Variants in PTPN14 observed in about 807,000 individuals in gnomAD.
PTPN14 encodes the protein protein tyrosine phosphatase non-receptor type 14.
In PTPN14, 53 loss-of-function variants were observed where a neutral mutation model predicts 126.8. The observed-to-expected ratio is 0.42, with a 90% confidence interval of 0.34 to 0.53. PTPN14 has a LOEUF of 0.53. PTPN14 is among the 20% of genes least tolerant of loss of function. The pLI, the probability that PTPN14 is intolerant of heterozygous loss-of-function variation, is 0.08. For missense variants in PTPN14, 1,257 were observed against 1,552.9 expected (o/e 0.81, Z 3.20); for synonymous variants, 630 against 599.3 (o/e 1.05, Z -0.75).
intron 3 of PTPN14, among the ~76,000 whole-genome samples, chr1:214,431,018 T>C (rs866840525): frequency 1.1e-4 from 16 of 152,268 alleles, no homozygotes; most frequent in African/African-American, 3.9e-4. Context: ...AGGAGGCTTC[T>C]AAGGCAAGAA....
intron 1 of PTPN14, among the ~76,000 whole-genome samples, chr1:214,537,782 C>T (rs1345845250): frequency 6.6e-6 from 1 of 152,154 alleles, no homozygotes; most frequent in African/African-American, 2.4e-5. Flanking sequence ...GTTTGATAAC[C>T]ATCTATGACG....
chr1:214,405,420 T>C (rs905054074), intron 5 of PTPN14, among the ~76,000 whole-genome samples: 5 of 152,168 alleles, frequency 3.3e-5, no homozygotes, highest in African/African-American at 9.7e-5. Flanking sequence ...GGGCCTATCA[T>C]AGGGCTTTTG....
At chr1:214,422,522 C>T (rs761512993) in intron 3 of PTPN14, among the ~76,000 whole-genome samples, 5 of 152,122 alleles carry the variant, frequency 3.3e-5, no homozygotes, top group South Asian at 2.1e-4. Context: ...CCCTGAAAAT[C>T]GTGTGTTCAT....
In PTPN14 at chr1:214,393,796, G is replaced by A. The variant is rs761269636; in HGVS notation, c.847-19C>T. 2 of 1,536,640 alleles carry A rather than the reference G, an allele frequency of 1.3e-6. No individual in the cohort carries two copies. The highest frequency in any genetic ancestry group is 1.8e-6 in the Non-Finnish European group (2 of 1,111,020). On this transcript the variant is annotated intron_variant, in intron 9 of 18. Coordinates refer to ENST00000366956, the MANE Select transcript of PTPN14 (RefSeq NM_005401.5). The stretch of plus-strand genomic sequence containing the variant: ...TATCATCCTTGGAAAAGAAGAGACA[G>A]AGAAAAAAATAAACATTTGTTGAAT...
In PTPN14 at chr1:214,465,940, T is replaced by C. The variant is rs1278539709; in HGVS notation, c.-154-983A>G. On this transcript the variant is annotated intron_variant, in intron 1 of 18. Coordinates refer to ENST00000366956, the MANE Select transcript of PTPN14 (RefSeq NM_005401.5). ...TGGTGGCAATATGCATTTAATATAATCAGTTACTTCCTTTTTTTTTTTTTT... is the reference window on the plus strand; with the variant it reads ...TGGTGGCAATATGCATTTAATATAACCAGTTACTTCCTTTTTTTTTTTTTT... Among the ~76,000 whole-genome samples, 3 of 142,118 alleles carry C rather than the reference T, an allele frequency of 2.1e-5. No individual in the cohort carries two copies. In the East Asian group the frequency reaches 6.1e-4, roughly 29 times the overall value. The allele number at this position is 142,118 out of a possible 152,430, so 93.2% of individuals were successfully genotyped here. A position where few individuals can be genotyped will look rare whatever the true frequency, so the allele number is the denominator to read the frequency against.
At chr1:214,397,798 G>A (rs1658921170) in intron 8 of PTPN14, 115 bp downstream of exon 8, 2 of 809,326 alleles carry the variant, frequency 2.5e-6, no homozygotes, top group East Asian at 5.4e-5. Context: ...TGAGCTGAGA[G>A]AAGTCAAATC....
chr1:214,534,525 A>G (rs1655649755), intron 1 of PTPN14, among the ~76,000 whole-genome samples: 2 of 151,962 alleles, frequency 1.3e-5, no homozygotes, highest in South Asian at 4.1e-4. Context: ...CATCCTGGCT[A>G]ACACGGTGAA....
chr1:214,364,766 A>AGTGAGTGTGTGTGTGTGTGT lies in PTPN14; in HGVS notation c.3272-92_3272-91insACACACACACACACACTCAC. On this transcript the variant is annotated intron_variant, in intron 17 of 18. Coordinates refer to ENST00000366956, the MANE Select transcript of PTPN14 (RefSeq NM_005401.5). The surrounding 1 kb of genome is among the most constrained non-coding windows in gnomAD (Gnocchi z 4.1). The stretch of plus-strand genomic sequence containing the variant: ...GGGGAGCGGAAGAGAACTGATGGTG[A>AGTGAGTGTGTGTGTGTGTGT]GTGTGTGTGTGTGTGTGTGTGTGTG... 1 of 590,314 alleles carries AGTGAGTGTGTGTGTGTGTGT rather than the reference A, an allele frequency of 1.7e-6. No individual in the cohort carries two copies. The highest frequency in any genetic ancestry group is 2.8e-6 in the Non-Finnish European group (1 of 363,630). The allele number at this position is 590,314 out of a possible 1,614,324, so 36.6% of individuals were successfully genotyped here. A position where few individuals can be genotyped will look rare whatever the true frequency, so the allele number is the denominator to read the frequency against.
At chr1:214,504,384 C>A (rs1654781988) in intron 1 of PTPN14, among the ~76,000 whole-genome samples, 2 of 152,294 alleles carry the variant, frequency 1.3e-5, no homozygotes, top group Middle Eastern at 3.4e-3. Flanking sequence ...GCATCAGGTA[C>A]TTCTGATGCA....
chr1:214,535,525 C>T (rs781110901), intron 1 of PTPN14, among the ~76,000 whole-genome samples: 1 of 152,152 alleles, frequency 6.6e-6, no homozygotes, highest in Non-Finnish European at 1.5e-5. Context: ...CACCTGTAAT[C>T]CCAGAACTTT....
At chr1:214,434,115 G>C (rs1044398282) in intron 3 of PTPN14, among the ~76,000 whole-genome samples, 1 of 152,016 alleles carries the variant, frequency 6.6e-6, no homozygotes, top group Non-Finnish European at 1.5e-5. Flanking sequence ...CTGGGCAACA[G>C]AGTAAGACCC....
chr1:214,488,928 C>T (rs1168511097), intron 1 of PTPN14, among the ~76,000 whole-genome samples: 3 of 152,242 alleles, frequency 2.0e-5, no homozygotes, highest in African/African-American at 7.2e-5. Context: ...CTTGTCACCG[C>T]TTCTCGAAAT....
At chr1:214,539,581 T>C (rs1281912882) in intron 1 of PTPN14, among the ~76,000 whole-genome samples, 1 of 152,164 alleles carries the variant, frequency 6.6e-6, no homozygotes, top group Non-Finnish European at 1.5e-5. Flanking sequence ...CGGTAATTAA[T>C]CTATCAGAAT....
At chr1:214,515,359 T>C (rs1259046768) in intron 1 of PTPN14, among the ~76,000 whole-genome samples, 4 of 152,190 alleles carry the variant, frequency 2.6e-5, no homozygotes, top group African/African-American at 9.6e-5. Context: ...CCACACTCTT[T>C]TGTTTATTGG....
chr1:214,475,504 C>T (rs757829811), intron 1 of PTPN14, among the ~76,000 whole-genome samples: 87 of 152,320 alleles, frequency 5.7e-4, no homozygotes, highest in African/African-American at 6.5e-4. Flanking sequence ...TGTCTAGTCA[C>T]GCCAGGAATG....
At chr1:214,507,961 C>T (rs998455446) in intron 1 of PTPN14, among the ~76,000 whole-genome samples, 1 of 151,944 alleles carries the variant, frequency 6.6e-6, no homozygotes, top group Non-Finnish European at 1.5e-5. Flanking sequence ...CACAGCACAC[C>T]AGCCTGCGCA....
intron 1 of PTPN14, among the ~76,000 whole-genome samples, chr1:214,479,788 T>A (rs1660946986): frequency 6.6e-6 from 1 of 152,142 alleles, no homozygotes; most frequent in African/African-American, 2.4e-5. Flanking sequence ...TATTTTCTGA[T>A]TATAATTCAT....
At position 214,383,634 on chromosome 1, in the gene PTPN14, G is replaced by A. The variant is rs1336545955; in HGVS notation, c.2221C>T (p.Leu741=). 4.3e-6 allele frequency: 7 copies of A among 1,613,266 alleles called. No individual in the cohort carries two copies. The highest frequency in any genetic ancestry group is 5.1e-6 in the Non-Finnish European group (6 of 1,179,992). ...GGGGGCTTGTTGGGGATGCGGGCCA[G>A]GGCCGCCTGCAGCTGGGCACTGTAC... ...MEYSAQLQAA[L]ARIPNKPPPE... The change falls in exon 13 of 19, where the codon CTG becomes TTG. Residue 741 remains leucine, a synonymous_variant. Coordinates refer to ENST00000366956, the MANE Select transcript of PTPN14 (RefSeq NM_005401.5). This position sits in a 1 kb window ranked among gnomAD's most constrained non-coding sequence, Gnocchi z 4.4.
At chr1:214,370,053 C>T (rs570707836) in intron 16 of PTPN14, among the ~76,000 whole-genome samples, 4 of 152,250 alleles carry the variant, frequency 2.6e-5, no homozygotes, top group East Asian at 3.9e-4. Context: ...GGCCAAGGCG[C>T]GTGGATCACA....
Sources: allele counts gnomAD v4.1 joint callset (sites outside exome capture counted in the v4.1 genomes callset), GRCh38; gene constraint gnomAD v4.1.1; non-coding constraint Gnocchi (gnomAD v3.1); transcripts MANE v1.5; gene names NCBI Gene and HGNC (gene_info 2026-07-23, HGNC 2026-07-21).